TMEM181: variants seen among roughly 807,000 people sequenced by gnomAD.
TMEM181 encodes the protein transmembrane protein 181.
TMEM181 carries 39 observed loss-of-function variants against 71.9 expected under a neutral mutation model. The observed-to-expected ratio is 0.54, with a 90% CI of 0.42 to 0.71. The LOEUF (loss-of-function observed/expected upper bound fraction) is 0.71. TMEM181 is among the 30% of genes least tolerant of loss of function. The probability of loss-of-function intolerance (pLI) is 0.00; values close to 1 mark genes in which losing one functional copy is unlikely to be tolerated. For synonymous variants in TMEM181, 245 were observed against 228.8 expected (o/e 1.07, Z -0.64); for missense variants, 595 against 583.0 (o/e 1.02, Z -0.21).
intron 1 of TMEM181, among the ~76,000 whole-genome samples, chr6:158,563,095 T>C (rs1241263535): frequency 6.6e-6 from 1 of 152,214 alleles, no homozygotes. Flanking sequence ...GCCACAGCAT[T>C]GCTAGGTGGT....
intron 6 of TMEM181, among the ~76,000 whole-genome samples, chr6:158,597,624 C>T (rs772520649): frequency 4.6e-5 from 7 of 152,180 alleles, no homozygotes; most frequent in African/African-American, 7.2e-5. Flanking sequence ...CCTCAGTCTC[C>T]TGAGTAGCTG....
intron 1 of TMEM181, among the ~76,000 whole-genome samples, chr6:158,548,818 G>A (rs1781627507): frequency 1.3e-5 from 2 of 152,222 alleles, no homozygotes; most frequent in Admixed American, 1.3e-4. Context: ...GAGAGGCGCT[G>A]CTCAAACATT....
chr6:158,570,740 C>T (rs976721426), intron 1 of TMEM181, among the ~76,000 whole-genome samples: 2 of 152,008 alleles, frequency 1.3e-5, no homozygotes, highest in African/African-American at 4.8e-5. Context: ...TAACCTGGCG[C>T]ATTTATCAAA....
At chr6:158,566,472 GT>G in intron 1 of TMEM181, among the ~76,000 whole-genome samples, 4 of 106,686 alleles carry the variant, frequency 3.7e-5, no homozygotes, top group South Asian at 2.8e-4. Context: ...GGTGAGGGAG[GT>G]GATGGTGAGC....
chr6:158,586,086 C>T, intron 5 of TMEM181, among the ~76,000 whole-genome samples: 1 of 152,196 alleles, frequency 6.6e-6, no homozygotes, highest in East Asian at 1.9e-4. Context: ...ACCTGGGCCT[C>T]TTGGGCGTCA....
At chr6:158,618,436 CTCTT>C (rs1312695408) in intron 10 of TMEM181, among the ~76,000 whole-genome samples, 1 of 152,210 alleles carries the variant, frequency 6.6e-6, no homozygotes, top group Non-Finnish European at 1.5e-5. Flanking sequence ...TGGGTCTTGA[CTCTT>C]TATCCAATTT....
At chr6:158,553,782 G>A (rs994291683) in intron 1 of TMEM181, among the ~76,000 whole-genome samples, 3 of 152,100 alleles carry the variant, frequency 2.0e-5, no homozygotes, top group Admixed American at 6.5e-5. Flanking sequence ...AAACGCATTC[G>A]GGTTAATTAA....
At chr6:158,540,822 C>T (rs150848508) in intron 1 of TMEM181, among the ~76,000 whole-genome samples, 73 of 152,208 alleles carry the variant, frequency 4.8e-4, no homozygotes, top group African/African-American at 1.5e-3. Flanking sequence ...GGCTGGAGTG[C>T]AGTGGTGTGG....
chr6:158,614,085 A>C (rs1785477400), intron 10 of TMEM181, among the ~76,000 whole-genome samples: 1 of 152,204 alleles, frequency 6.6e-6, no homozygotes, highest in Non-Finnish European at 1.5e-5. Flanking sequence ...TATTCCCTCA[A>C]ATAAAACCTA....
intron 1 of TMEM181, among the ~76,000 whole-genome samples, chr6:158,566,801 T>C (rs753114584): frequency 3.3e-5 from 5 of 152,100 alleles, no homozygotes; most frequent in Admixed American, 1.3e-4. Flanking sequence ...ACGGAAGTTT[T>C]CCAGCTCCTG....
At chr6:158,600,719 C>T (rs564208144) in intron 6 of TMEM181, among the ~76,000 whole-genome samples, 2 of 152,246 alleles carry the variant, frequency 1.3e-5, no homozygotes, top group South Asian at 2.1e-4. Flanking sequence ...GATCTGCCCA[C>T]CTCAGCCTTC....
intron 6 of TMEM181, among the ~76,000 whole-genome samples, chr6:158,596,231 A>G (rs1784384124): frequency 6.6e-6 from 1 of 152,160 alleles, no homozygotes; most frequent in Admixed American, 6.5e-5. Flanking sequence ...ATACCTGTCC[A>G]ATTCTTTATA....
intron 6 of TMEM181, 136 bp from the exon 7 acceptor site, chr6:158,605,131 A>AATTGTGTGT: frequency 6.3e-6 from 1 of 159,686 alleles, no homozygotes; most frequent in Non-Finnish European, 1.2e-5. Context: ...AAAAAAAAAA[A>AATTGTGTGT]GTGTGTGTGT....
rs1455620559 is a variant in TMEM181 at position 158,560,104 on chromosome 6, C to CCGGCCGCTGCT, written c.-119_-109dup. The CCGGCCGCTGCT allele has an allele frequency of 2.5e-5, 25 of 984,918 alleles. No individual in the cohort carries two copies. The East Asian group carries it at 3.4e-4, about 13-fold the overall frequency. The allele number at this position is 984,918 out of a possible 1,614,324, so 61.0% of individuals were successfully genotyped here. A position where few individuals can be genotyped will look rare whatever the true frequency, so the allele number is the denominator to read the frequency against. ...TCGCGCTCTGATGAGTTTTCCGCGG[C>CCGGCCGCTGCT]CGGCCGCTGCTCAGCCGCTGTCGCT... On this transcript the variant is annotated 5_prime_UTR_variant, in exon 1 of 17. Transcript: ENST00000684151.
intron 1 of TMEM181, among the ~76,000 whole-genome samples, chr6:158,551,225 G>A (rs890254677): frequency 1.3e-5 from 2 of 152,092 alleles, no homozygotes; most frequent in Admixed American, 6.5e-5. Flanking sequence ...CTCCCAAAGT[G>A]CTGGGATTAC....
intron 10 of TMEM181, chr6:158,621,461 C>T (rs372914543): frequency 1.4e-4 from 32 of 223,452 alleles, no homozygotes; most frequent in African/African-American, 7.4e-4. Flanking sequence ...ACACCATCCT[C>T]TTCCTGGGTT....
chr6:158,561,792 C>T (rs766775129), intron 1 of TMEM181, among the ~76,000 whole-genome samples: 21 of 152,134 alleles, frequency 1.4e-4, no homozygotes, highest in Non-Finnish European at 2.6e-4. Flanking sequence ...CTGTGGAGCA[C>T]TAAGAGGGTT....
intron 1 of TMEM181, among the ~76,000 whole-genome samples, chr6:158,538,561 C>T (rs966641958): frequency 2.0e-5 from 3 of 152,112 alleles, no homozygotes; most frequent in African/African-American, 7.2e-5. Flanking sequence ...GAACACACCC[C>T]AGTGGTTAAT....
At chr6:158,548,329 T>C (rs1411191678) in intron 1 of TMEM181, among the ~76,000 whole-genome samples, 2 of 152,168 alleles carry the variant, frequency 1.3e-5, no homozygotes, top group East Asian at 1.9e-4. Context: ...AAACTATTGC[T>C]CTAGGTTCTG....
Sources: gnomAD v4.1 joint callset for allele counts (sites outside exome capture counted in the v4.1 genomes callset) on GRCh38, gnomAD v4.1.1 for gene constraint, MANE v1.5 for transcripts, NCBI Gene and HGNC (gene_info 2026-07-23, HGNC 2026-07-21) for gene names.